The following PSD3 variants were observed in gnomAD, a reference collection of about 807,000 sequenced individuals.
PSD3 encodes pleckstrin and Sec7 domain containing 3.
PSD3 carries 49 observed loss-of-function variants against 105.5 expected under a neutral mutation model. The observed-to-expected ratio is 0.46, with a 90% CI of 0.37 to 0.59. PSD3 has a LOEUF of 0.59. Ranked by LOEUF, PSD3 falls within the 20% of genes least tolerant of loss-of-function variation. The pLI is 0.00. For missense variants in PSD3, 1,561 were observed against 1,263.8 expected, an observed-to-expected ratio of 1.24 and a Z score of -3.57; for synonymous variants, 557 against 457.8, an observed-to-expected ratio of 1.22 and a Z score of -2.77.
At chr8:18,895,065 A>G (rs1456128766) in intron 2 of PSD3, among the ~76,000 whole-genome samples, 2 of 152,188 alleles carry the variant, frequency 1.3e-5, no homozygotes, top group Non-Finnish European at 2.9e-5. Context: ...ACACCAACGG[A>G]AAACAGGAAT....
intron 2 of PSD3, among the ~76,000 whole-genome samples, chr8:18,883,320 T>C (rs1818239622): frequency 6.6e-6 from 1 of 152,148 alleles, no homozygotes; most frequent in Non-Finnish European, 1.5e-5. Context: ...TAAAGTAAGT[T>C]CCAAGAAAAC....
rs1563546491 is a variant in PSD3 at position 19,074,601 on chromosome 8, ATATATATATATTTTTTTTTTT to A, written c.324+9584_324+9604del. ...ACAACTCAGATATATACATATATAT[ATATATATATATTTTTTTTTTT>A]TTTTTTTTTTTTTTTTGAGATGGAG... On this transcript the variant is annotated intron_variant, in intron 1 of 1. Transcript: ENST00000521475. Among the ~76,000 whole-genome samples, 153 of 54,808 alleles carry A rather than the reference ATATATATATATTTTTTTTTTT, an allele frequency of 2.8e-3. 2 individuals are homozygous for A. In the East Asian group the frequency reaches 0.045, roughly 16 times the overall value. The allele number at this position is 54,808 out of a possible 152,430, so 36.0% of individuals were successfully genotyped here. A position where few individuals can be genotyped will look rare whatever the true frequency, so the allele number is the denominator to read the frequency against.
intron 1 of PSD3, among the ~76,000 whole-genome samples, chr8:18,993,986 A>T (rs1825936384): frequency 6.6e-6 from 1 of 152,034 alleles, no homozygotes; most frequent in Non-Finnish European, 1.5e-5. Context: ...ACATGTGCTG[A>T]GAAGGCAGTC....
At position 18,666,846 on chromosome 8, in the gene PSD3, G is replaced by A. The variant is rs116044958; in HGVS notation, c.2173-11161C>T. Among the ~76,000 whole-genome samples the A allele has an allele frequency of 4.3e-3, 654 of 152,268 alleles. 3 individuals are homozygous for A. The highest frequency in any genetic ancestry group is 0.014 in the African/African-American group (597 of 41,542). ...AGACAAGCACATCCACTATCAAAGA[G>A]GACACCAATTTTGAAACAGATTGGA... On this transcript the variant is annotated intron_variant, in intron 9 of 15. Coordinates refer to ENST00000327040, the MANE Select transcript of PSD3 (RefSeq NM_015310.4).
At chr8:18,701,051 C>T (rs1801547764) in intron 9 of PSD3, among the ~76,000 whole-genome samples, 1 of 152,048 alleles carries the variant, frequency 6.6e-6, no homozygotes, top group South Asian at 2.1e-4. Flanking sequence ...ACTGTAGCCT[C>T]AACCTCCTGG....
At chr8:18,869,090 GT>G (rs932220002) in intron 3 of PSD3, among the ~76,000 whole-genome samples, 6 of 151,490 alleles carry the variant, frequency 4.0e-5, no homozygotes, top group African/African-American at 1.5e-4. Flanking sequence ...CCAAATGCTT[GT>G]TCTTAATGGC....
chr8:18,985,084 C>A lies in PSD3; in HGVS notation c.21+28479G>T, dbSNP rs1297839456. ...GAGTAGCTGGGATTGCAGGTGCCCG[C>A]CACCACACCCGGCTAATTTTTATAT... On this transcript the variant is annotated intron_variant, in intron 1 of 15. Transcript: ENST00000327040. 2.0e-5 allele frequency among the ~76,000 whole-genome samples: 3 copies of A among 152,152 alleles called. No individual in the cohort carries two copies. In the East Asian group the frequency reaches 5.8e-4, roughly 29 times the overall value.
chr8:18,731,677 C>G (rs1393992662), intron 9 of PSD3, among the ~76,000 whole-genome samples: 1 of 152,186 alleles, frequency 6.6e-6, no homozygotes, highest in Non-Finnish European at 1.5e-5. Context: ...GGACTCAGAA[C>G]AGTCATGTGT....
intron 11 of PSD3, among the ~76,000 whole-genome samples, chr8:18,612,387 C>G (rs200980096): frequency 1.4e-5 from 2 of 143,118 alleles, no homozygotes; most frequent in Admixed American, 1.4e-4. Context: ...TTTTTTTTTT[C>G]TTTTGAGACG....
intron 1 of PSD3, among the ~76,000 whole-genome samples, chr8:18,970,629 T>C (rs368564404): frequency 6.6e-6 from 1 of 152,022 alleles, no homozygotes; most frequent in South Asian, 2.1e-4. Context: ...CATTTAGTCT[T>C]TCCTAGAATT....
intron 1 of PSD3, among the ~76,000 whole-genome samples, chr8:18,939,839 T>C (rs940634384): frequency 6.6e-6 from 1 of 152,244 alleles, no homozygotes; most frequent in Non-Finnish European, 1.5e-5. Context: ...TAGTGGATCA[T>C]GACCACATTT....
intron 9 of PSD3, among the ~76,000 whole-genome samples, chr8:18,700,282 C>T (rs1018112310): frequency 3.9e-5 from 6 of 152,000 alleles, no homozygotes; most frequent in Non-Finnish European, 7.4e-5. Flanking sequence ...TTAAAAGGTA[C>T]ATAAAGTCCA....
At chr8:19,045,730 G>C (rs1297785655) in intron 1 of PSD3, among the ~76,000 whole-genome samples, 1 of 152,148 alleles carries the variant, frequency 6.6e-6, no homozygotes, top group Non-Finnish European at 1.5e-5. Context: ...ATCTGATTTA[G>C]CCAAAAACCA....
intron 1 of PSD3, among the ~76,000 whole-genome samples, chr8:18,985,518 A>AAGCT (rs1355071498): frequency 1.3e-5 from 2 of 152,136 alleles, no homozygotes; most frequent in African/African-American, 2.4e-5. Flanking sequence ...AGCTGCAATA[A>AAGCT]AGCTACAAAC....
chr8:18,895,384 A>G (rs1185319289), intron 2 of PSD3, among the ~76,000 whole-genome samples: 1 of 152,204 alleles, frequency 6.6e-6, no homozygotes, highest in Non-Finnish European at 1.5e-5. Context: ...CTTCAGAGTC[A>G]TCATATCTCC....
At chr8:18,920,548 G>A (rs1383455030) in intron 2 of PSD3, among the ~76,000 whole-genome samples, 1 of 152,126 alleles carries the variant, frequency 6.6e-6, no homozygotes, top group East Asian at 1.9e-4. Context: ...ACAAAACAAA[G>A]TATAATCTTC....
chr8:19,046,690 T>C (rs546982715), intron 1 of PSD3, among the ~76,000 whole-genome samples: 15 of 152,174 alleles, frequency 9.9e-5, no homozygotes, highest in Non-Finnish European at 1.6e-4. Flanking sequence ...CAATGTTGGA[T>C]TACCAAATAA....
chr8:18,747,893 A>G (rs1805159600), intron 9 of PSD3, among the ~76,000 whole-genome samples: 1 of 152,138 alleles, frequency 6.6e-6, no homozygotes, highest in Non-Finnish European at 1.5e-5. Context: ...CCAGCACTTC[A>G]GGTTTCGGTG....
chr8:18,852,170 T>G (rs1815632049), intron 4 of PSD3, among the ~76,000 whole-genome samples: 1 of 152,186 alleles, frequency 6.6e-6, no homozygotes, highest in Admixed American at 6.5e-5. Flanking sequence ...AAAAAAGTCT[T>G]TAGTACTTAA....
Sources: gnomAD v4.1 joint callset for allele counts (sites outside exome capture counted in the v4.1 genomes callset) on GRCh38, gnomAD v4.1.1 for gene constraint, MANE v1.5 for transcripts, NCBI Gene and HGNC (gene_info 2026-07-23, HGNC 2026-07-21) for gene names.